KLHL29: variants seen among roughly 807,000 people sequenced by gnomAD.
KLHL29 encodes kelch like family member 29.
Under a neutral mutation model 80.4 loss-of-function variants are expected in KLHL29, and 21 were observed. That is an observed-to-expected ratio of 0.26 (90% confidence interval 0.19 to 0.38). KLHL29 has a LOEUF of 0.38. Ranked by LOEUF, KLHL29 falls within the 10% of genes least tolerant of loss-of-function variation. The probability of loss-of-function intolerance (pLI) is 1.00; values close to 1 mark genes in which losing one functional copy is unlikely to be tolerated. For synonymous variants in KLHL29, 511 were observed against 526.8 expected (o/e 0.97, Z 0.41); for missense variants, 867 against 1,223.9 (o/e 0.71, Z 4.35).
chr2:23,630,466 C>T (rs1371252317), intron 3 of KLHL29, among the ~76,000 whole-genome samples: 1 of 152,084 alleles, frequency 6.6e-6, no homozygotes. Flanking sequence ...CCCAGGCTTG[C>T]CATGCCCTGA....
chr2:23,511,897 T>G (rs1665783789), intron 2 of KLHL29, among the ~76,000 whole-genome samples: 4 of 151,938 alleles, frequency 2.6e-5, no homozygotes, highest in Admixed American at 2.6e-4. Flanking sequence ...CTCCAGCAGG[T>G]GAGAGTTGAT....
chr2:23,415,423 G>A (rs887344994), intron 1 of KLHL29, among the ~76,000 whole-genome samples: 7 of 152,226 alleles, frequency 4.6e-5, no homozygotes, highest in Admixed American at 6.5e-5. Flanking sequence ...TTTGTGAAGC[G>A]AAGGTGATTA....
At chr2:23,613,049 GTATCAA>G (rs1668909489) in intron 3 of KLHL29, among the ~76,000 whole-genome samples, 1 of 152,022 alleles carries the variant, frequency 6.6e-6, no homozygotes, top group South Asian at 2.1e-4. Flanking sequence ...GAGAGTATAA[GTATCAA>G]TATTACACTT....
chr2:23,459,178 C>A (rs1378808370), intron 1 of KLHL29, among the ~76,000 whole-genome samples: 1 of 152,122 alleles, frequency 6.6e-6, no homozygotes, highest in Admixed American at 6.5e-5. Context: ...GGTTGGTGTG[C>A]TCTATTCTGA....
At position 23,628,708 on chromosome 2, in the gene KLHL29, C is replaced by T. The variant is rs1030817241; in HGVS notation, c.286-10431C>T. Reference sequence around the variant, plus strand: ...ACTGTAGTCTCTGAGGGCCAGGCCCCATCCACAAATGGTTCAGTAAGGGAG... The same window carrying T: ...ACTGTAGTCTCTGAGGGCCAGGCCCTATCCACAAATGGTTCAGTAAGGGAG... On this transcript the variant is annotated intron_variant, in intron 3 of 13. Coordinates refer to ENST00000486442, the MANE Select transcript of KLHL29 (RefSeq NM_052920.2). 4.0e-4 allele frequency among the ~76,000 whole-genome samples: 60 copies of T among 151,740 alleles called. 1 individual carries two copies. The highest frequency in any genetic ancestry group is 1.4e-3 in the African/African-American group (57 of 41,384).
At chr2:23,639,949 C>T (rs552262560) in intron 4 of KLHL29, among the ~76,000 whole-genome samples, 12 of 152,200 alleles carry the variant, frequency 7.9e-5, no homozygotes, top group Non-Finnish European at 1.5e-4. Context: ...CTTTGCTCTG[C>T]CCCCTGCATC....
At chr2:23,421,070 C>G (rs1662784234) in intron 1 of KLHL29, among the ~76,000 whole-genome samples, 1 of 152,220 alleles carries the variant, frequency 6.6e-6, no homozygotes, top group Admixed American at 6.5e-5. Flanking sequence ...CCCCTCCTTA[C>G]AGAGAGGGAA....
intron 1 of KLHL29, among the ~76,000 whole-genome samples, chr2:23,400,968 T>G (rs1404630579): frequency 6.6e-6 from 1 of 152,222 alleles, no homozygotes; most frequent in Non-Finnish European, 1.5e-5. Context: ...TATGATAGCA[T>G]CAAGAATACC....
At chr2:23,423,708 G>GT (rs1662918436) in intron 1 of KLHL29, among the ~76,000 whole-genome samples, 1 of 152,194 alleles carries the variant, frequency 6.6e-6, no homozygotes, top group Admixed American at 6.5e-5. Context: ...GGGGTGCGGT[G>GT]TGGGATCTCG....
At chr2:23,697,449 A>AGAGC (rs1479986245) in intron 11 of KLHL29, 1 of 152,388 alleles carries the variant, frequency 6.6e-6, no homozygotes, top group African/African-American at 2.4e-5. Flanking sequence ...TAAGATTGCC[A>AGAGC]GAGCCCCTCC....
intron 2 of KLHL29, among the ~76,000 whole-genome samples, chr2:23,550,720 C>T (rs1667102201): frequency 6.6e-6 from 1 of 152,194 alleles, no homozygotes; most frequent in South Asian, 2.1e-4. Context: ...TTTTTGGCAG[C>T]CAAATAGAGA....
At chr2:23,417,515 A>AT (rs1208874437) in intron 1 of KLHL29, among the ~76,000 whole-genome samples, 5 of 152,222 alleles carry the variant, frequency 3.3e-5, no homozygotes, top group African/African-American at 1.2e-4. Flanking sequence ...CAACAGTGCC[A>AT]TGCAGTACGC....
intron 4 of KLHL29, among the ~76,000 whole-genome samples, chr2:23,640,056 G>A (rs913038052): frequency 2.0e-5 from 3 of 152,248 alleles, no homozygotes; most frequent in South Asian, 4.2e-4. Context: ...TAGTAGCCAC[G>A]TCACATGCTG....
At chr2:23,531,501 G>A (rs923517109) in intron 2 of KLHL29, among the ~76,000 whole-genome samples, 6 of 152,176 alleles carry the variant, frequency 3.9e-5, no homozygotes, top group East Asian at 1.9e-4. Flanking sequence ...CCCTGCCTCC[G>A]AGCCGCCAGG....
intron 1 of KLHL29, among the ~76,000 whole-genome samples, chr2:23,467,695 A>G (rs1467786140): frequency 6.6e-6 from 1 of 152,220 alleles, no homozygotes; most frequent in Non-Finnish European, 1.5e-5. Context: ...TAGAAGCTGT[A>G]GCAGCATCTG....
intron 2 of KLHL29, among the ~76,000 whole-genome samples, chr2:23,559,889 G>A (rs1049260388): frequency 2.0e-5 from 3 of 152,134 alleles, no homozygotes; most frequent in African/African-American, 4.8e-5. Flanking sequence ...AGGAAGAGGA[G>A]CCCGCCAAGG....
intron 3 of KLHL29, among the ~76,000 whole-genome samples, chr2:23,606,201 G>GAGGGA (rs1553343005): frequency 5.4e-5 from 5 of 93,162 alleles, no homozygotes; most frequent in East Asian, 6.3e-4. Context: ...AGAGAGAGAG[G>GAGGGA]GAGAGAGAGA....
At chr2:23,579,759 C>G (rs1285633698) in intron 3 of KLHL29, among the ~76,000 whole-genome samples, 2 of 152,142 alleles carry the variant, frequency 1.3e-5, no homozygotes, top group South Asian at 2.1e-4. Context: ...GGCTTAAGAC[C>G]CTTGGCGATC....
chr2:23,431,863 C>T (rs533833525), intron 1 of KLHL29, among the ~76,000 whole-genome samples: 1 of 136,898 alleles, frequency 7.3e-6, no homozygotes, highest in African/African-American at 2.8e-5. Flanking sequence ...GATTGCGCCA[C>T]TGTACTCCAG....
Sources: gnomAD v4.1 joint callset for allele counts (sites outside exome capture counted in the v4.1 genomes callset) on GRCh38, gnomAD v4.1.1 for gene constraint, MANE v1.5 for transcripts, NCBI Gene and HGNC (gene_info 2026-07-23, HGNC 2026-07-21) for gene names.